DDHD2: variants seen among roughly 807,000 people sequenced by gnomAD.
DDHD2 encodes triacylglycerol hydrolase DDHD2.
In DDHD2, 62 loss-of-function variants were observed where a neutral mutation model predicts 91.2. That is an observed-to-expected ratio of 0.68 (90% CI 0.55 to 0.84). The LOEUF is 0.84. Among genes scored for constraint, DDHD2 ranks in the 40% least tolerant of loss-of-function variants. The pLI is 0.00. For synonymous variants in DDHD2, 271 were observed against 293.9 expected (o/e 0.92, Z 0.80); for missense variants, 740 against 846.9 (o/e 0.87, Z 1.57).
At chr8:38,268,791 C>A in intron 1 of DDHD2, 1 of 1,446,080 alleles carries the variant, frequency 6.9e-7, no homozygotes, top group South Asian at 1.5e-5. Context: ...CAGTGGGTCC[C>A]TACAAAGGCC....
At position 38,262,021 on chromosome 8, in the gene DDHD2, A is replaced by G. The variant is rs1488367369; in HGVS notation, c.*1448A>G. ...AGCAGTGGTCTTTATCCCTTTCTGGAAAGAAAAGGAAAATGAAGGGTAATT... is the reference window on the plus strand; with the variant it reads ...AGCAGTGGTCTTTATCCCTTTCTGGGAAGAAAAGGAAAATGAAGGGTAATT... On this transcript the variant is annotated 3_prime_UTR_variant, in exon 18 of 18. Transcript: ENST00000397166. 6.6e-6 allele frequency: 1 copy of G among 152,140 alleles called. No individual in the cohort carries two copies. Among genetic ancestry groups the G allele is most frequent in the Non-Finnish European group, 1.5e-5 (1 of 68,012 alleles). 9.4% of individuals were successfully genotyped at this position (152,140 alleles called of 1,614,324 possible). A position where few individuals can be genotyped will look rare whatever the true frequency, so the allele number is the denominator to read the frequency against.
rs1806157939 is a variant in DDHD2 at position 38,252,135 on chromosome 8, T to G, written c.1465T>G (p.Ser489Ala). ...DYLDVGIGQVSVKYPRLIYKP... is the reference protein window; with the variant it reads ...DYLDVGIGQVAVKYPRLIYKP... ...GCTTTTATTTTCCTCCTTTGAGGTG[T>G]CTGTGAAATACCCCCGGCTCATCTA... is the stretch of plus-strand genomic sequence containing the variant. The change falls in exon 13 of 18, where the codon TCT becomes GCT. Residue 489 changes from serine to alanine, a missense_variant. By Grantham distance (99) the Ser-to-Ala change is moderately conservative. Coordinates refer to ENST00000397166, the MANE Select transcript of DDHD2 (RefSeq NM_015214.3). 6.2e-7 allele frequency: 1 copy of G among 1,613,556 alleles called. No homozygotes were observed. Among genetic ancestry groups the G allele is most frequent in the African/African-American group, 1.3e-5 (1 of 75,000 alleles).
At chr8:38,260,202 A>C in intron 17 of DDHD2, 55 bp downstream of exon 17, 1 of 1,007,104 alleles carries the variant, frequency 9.9e-7, no homozygotes, top group African/African-American at 1.6e-5. Context: ...AACATGTTAT[A>C]ATGAACTATG....
chr8:38,258,511 C>A lies in DDHD2; in HGVS notation c.2055-1529C>A, dbSNP rs59857806. ...CAGGTGATCTGCCTGCCTCGACCTC[C>A]CAGTGTTAGGATTATAGGTGTGAGC... On this transcript the variant is annotated intron_variant, in intron 16 of 17. Transcript: ENST00000397166. Among the ~76,000 whole-genome samples, 44 of 152,244 alleles carry A rather than the reference C, an allele frequency of 2.9e-4. No homozygotes were observed. In the East Asian group the frequency reaches 8.1e-3, roughly 28 times the overall value.
downstream of DDHD2, chr8:38,266,589 T>C (rs982002967): frequency 2.4e-5 from 7 of 292,636 alleles, no homozygotes; most frequent in Admixed American, 9.5e-5. Flanking sequence ...TTAGTAGAGT[T>C]GGGATTTCAC....
chr8:38,261,648 T>TA lies in DDHD2; in HGVS notation c.*1076dup, dbSNP rs2130896539. ...TTTAACTTGTTCTGAAAGAAAAACT[T>TA]ATGTCTGTAGGGTCCAAGAAACAGC... On this transcript the variant is annotated 3_prime_UTR_variant, in exon 18 of 18. Transcript: ENST00000397166. 1 of 152,308 alleles carries TA rather than the reference T, an allele frequency of 6.6e-6. No homozygotes were observed. Among genetic ancestry groups the TA allele is most frequent in the Non-Finnish European group, 1.5e-5 (1 of 68,020 alleles). 9.4% of individuals were successfully genotyped at this position (152,308 alleles called of 1,614,324 possible).
At chr8:38,269,337 C>G (rs1808335032) in intron 1 of DDHD2, 2 of 899,586 alleles carry the variant, frequency 2.2e-6, no homozygotes, top group African/African-American at 1.8e-5. Flanking sequence ...GGCGGCTGTG[C>G]CGAGGGCATC....
In DDHD2 at chr8:38,246,259, ACAAAT is replaced by A. The variant is rs1464380438; in HGVS notation, c.1087_1091del (p.Asn363GlufsTer8). On this transcript the variant is annotated frameshift_variant, in exon 9 of 18. Transcript: ENST00000397166. LOFTEE classifies it high-confidence loss of function. Reference sequence around the variant, plus strand: ...TTCGCTTATATTGTTTGATATCCTAACAAATCAGAAAGATTCTTTGGGGGATATTG... The same window carrying A: ...TTCGCTTATATTGTTTGATATCCTAACAGAAAGATTCTTTGGGGGATATTG... 2 of 1,609,404 alleles carry A rather than the reference ACAAAT, an allele frequency of 1.2e-6. No individual in the cohort carries two copies. Among genetic ancestry groups the A allele is most frequent in the African/African-American group, 2.7e-5 (2 of 74,822 alleles).
At position 38,270,502 on chromosome 8, in the gene DDHD2, T is replaced by TA. The variant is rs779453201; in HGVS notation, n.88-618dup. On this transcript the variant is annotated intron_variant and non_coding_transcript_variant, in intron 1 of 1. Transcript: ENST00000526071. ...AGCATCTTGATTATTAGTGGCAATA[T>TA]AATTATCTTAACATAGGGCATGTAA... The TA allele has an allele frequency of 4.6e-5, 7 of 152,342 alleles. No individual in the cohort carries two copies. In the East Asian group the frequency reaches 1.2e-3, roughly 25 times the overall value. The allele number at this position is 152,342 out of a possible 1,614,324, so 9.4% of individuals were successfully genotyped here. A position where few individuals can be genotyped will look rare whatever the true frequency, so the allele number is the denominator to read the frequency against.
At chr8:38,238,503 T>A in intron 5 of DDHD2, 1 of 1,114,186 alleles carries the variant, frequency 9.0e-7, no homozygotes. Flanking sequence ...TTCCACCTAC[T>A]TGACTAGAAA....
chr8:38,245,689 C>A, intron 7 of DDHD2, 53 bp from the exon 8 acceptor site: 2 of 1,473,302 alleles, frequency 1.4e-6, no homozygotes, highest in Non-Finnish European at 1.9e-6. Context: ...AAATTGGAAG[C>A]AGCTATTAAG....
intron 1 of DDHD2, chr8:38,270,431 A>G (rs1808413841): frequency 6.6e-6 from 1 of 152,214 alleles, no homozygotes; most frequent in Admixed American, 6.5e-5. Context: ...ATATACACAT[A>G]CCCTTGTATA....
rs778527212 is a variant in DDHD2 at position 38,238,204 on chromosome 8, A to G, written c.617A>G (p.His206Arg). 6.2e-7 allele frequency: 1 copy of G among 1,613,830 alleles called. No homozygotes were observed. The highest frequency in any genetic ancestry group is 1.3e-5 in the African/African-American group (1 of 75,044). ...RGVENISVDI[H>R]CGEPLQIDHL... is the part of the protein sequence containing the mutation. ...GTTGAGAACATCTCTGTTGACATTCATTGTGGTAATGTTAATCGTTTATTT... is the reference window on the plus strand; with the variant it reads ...GTTGAGAACATCTCTGTTGACATTCGTTGTGGTAATGTTAATCGTTTATTT... The change falls in exon 5 of 18, where the codon CAT becomes CGT. Residue 206 changes from histidine to arginine, a missense_variant. His to Arg is a conservative substitution (Grantham distance 29). Coordinates refer to ENST00000397166, the MANE Select transcript of DDHD2 (RefSeq NM_015214.3).
chr8:38,269,050 G>C, intron 1 of DDHD2: 1 of 1,525,392 alleles, frequency 6.6e-7, no homozygotes, highest in Non-Finnish European at 8.8e-7. Context: ...CTTCCCCACT[G>C]CCCGACCCGC....
chr8:38,254,940 A>C (rs979088163), intron 16 of DDHD2, among the ~76,000 whole-genome samples: 1 of 151,998 alleles, frequency 6.6e-6, no homozygotes. Flanking sequence ...GTTGACATAA[A>C]AATAAAGTAA....
Position 38,237,560 on chromosome 8 carries a change from C to T in DDHD2, c.434C>T (p.Thr145Ile). The T allele has an allele frequency of 1.3e-6, 2 of 1,593,922 alleles. No individual in the cohort carries two copies. Among genetic ancestry groups the T allele is most frequent in the South Asian group, 1.1e-5 (1 of 88,260 alleles). Reference sequence around the variant, plus strand: ...AAGGAAACTTACATGCTTGCTGTAACTTTGGATGAATGGAAAAAGAAACTG... The same window carrying T: ...AAGGAAACTTACATGCTTGCTGTAATTTTGGATGAATGGAAAAAGAAACTG... The part of the protein sequence containing the change: ...VLEETYMLAV[T>I]LDEWKKKLES... Residue 145 changes from threonine to isoleucine, a missense_variant, in exon 4 of 18, where the codon ACT becomes ATT. Transcript: ENST00000397166.
chr8:38,270,809 T>C (rs1054600080), intron 1 of DDHD2: 1 of 152,256 alleles, frequency 6.6e-6, no homozygotes, highest in African/African-American at 2.4e-5. Context: ...ACATGTAAAT[T>C]ACTTTTACAG....
intron 6 of DDHD2, among the ~76,000 whole-genome samples, chr8:38,241,342 T>A (rs955364189): frequency 2.6e-5 from 4 of 151,966 alleles, no homozygotes; most frequent in Non-Finnish European, 5.9e-5. Flanking sequence ...AAAAAAAAAA[T>A]GAAACAGTTC....
Position 38,260,023 on chromosome 8 carries a change from A to G in DDHD2, c.2055-17A>G. The G allele has an allele frequency of 6.4e-7, 1 of 1,561,478 alleles. No homozygotes were observed. On this transcript the variant is annotated splice_polypyrimidine_tract_variant and intron_variant, in intron 16 of 17. Transcript: ENST00000397166. Reference sequence around the variant, plus strand: ...AGTGTTAGTTCCTTTTCTCAACATAATTTTTTCTCTTTATAGGGAGTCTGA... The same window carrying G: ...AGTGTTAGTTCCTTTTCTCAACATAGTTTTTTCTCTTTATAGGGAGTCTGA...
Sources: gnomAD v4.1 joint callset for allele counts (sites outside exome capture counted in the v4.1 genomes callset) on GRCh38, gnomAD v4.1.1 for gene constraint, MANE v1.5 for transcripts, NCBI Gene and HGNC (gene_info 2026-07-23, HGNC 2026-07-21) for gene names.